The following CDC42SE2 variants were observed in gnomAD, a reference collection of about 807,000 sequenced individuals.
CDC42SE2 encodes CDC42 small effector 2.
In CDC42SE2, 3 loss-of-function variants were observed where a neutral mutation model predicts 11.5. That is an observed-to-expected ratio of 0.26 (90% CI 0.12 to 0.67). The LOEUF (loss-of-function observed/expected upper bound fraction) is 0.67. Ranked by LOEUF, CDC42SE2 falls within the 30% of genes least tolerant of loss-of-function variation. CDC42SE2 has a pLI of 0.80. For missense variants in CDC42SE2, 82 were observed against 106.8 expected, an observed-to-expected ratio of 0.77 and a Z score of 1.02; for synonymous variants, 33 against 34.8, an observed-to-expected ratio of 0.95 and a Z score of 0.18.
intron 3 of CDC42SE2, among the ~76,000 whole-genome samples, chr5:131,373,372 T>G (rs1750064955): frequency 6.6e-6 from 1 of 152,192 alleles, no homozygotes; most frequent in African/African-American, 2.4e-5. Flanking sequence ...CAGAGGGGGA[T>G]ACTGATAAGC....
At chr5:131,348,134 G>A (rs998133774) in intron 2 of CDC42SE2, among the ~76,000 whole-genome samples, 1 of 152,196 alleles carries the variant, frequency 6.6e-6, no homozygotes, top group Non-Finnish European at 1.5e-5. Flanking sequence ...AGTGTTGGAA[G>A]TTCTGGCAAG....
intron 1 of CDC42SE2, among the ~76,000 whole-genome samples, chr5:131,303,658 A>G (rs1470878052): frequency 6.6e-6 from 1 of 152,220 alleles, no homozygotes; most frequent in East Asian, 1.9e-4. Context: ...ACCTCTGATA[A>G]CAGATACCCT....
At chr5:131,334,070 T>TA (rs1288646783) in intron 2 of CDC42SE2, among the ~76,000 whole-genome samples, 1 of 152,122 alleles carries the variant, frequency 6.6e-6, no homozygotes, top group Non-Finnish European at 1.5e-5. Context: ...TTCCAGTTTT[T>TA]ATCCATTCAG....
chr5:131,376,408 C>G (rs1750158527), intron 3 of CDC42SE2, among the ~76,000 whole-genome samples: 1 of 152,086 alleles, frequency 6.6e-6, no homozygotes. Context: ...GAGTTCATGG[C>G]TTTAAAGTTC....
chr5:131,383,207 T>C (rs180798098), intron 3 of CDC42SE2, among the ~76,000 whole-genome samples: 2 of 152,294 alleles, frequency 1.3e-5, no homozygotes, highest in Non-Finnish European at 2.9e-5. Context: ...GCAGGGAGTC[T>C]TTGTATGAGG....
intron 2 of CDC42SE2, among the ~76,000 whole-genome samples, chr5:131,347,142 AAGATC>A (rs1758867490): frequency 6.6e-6 from 1 of 152,212 alleles, no homozygotes; most frequent in Non-Finnish European, 1.5e-5. Flanking sequence ...AGAAATAACT[AAGATC>A]AGAGCTGAAC....
At chr5:131,210,220 T>C in the CDC42SE2 span, among the ~76,000 whole-genome samples, 1 of 152,250 alleles carries the variant, frequency 6.6e-6, no homozygotes, top group Admixed American at 6.5e-5. Context: ...TATTCCCTTA[T>C]AGCAACACAA....
chr5:131,267,904 T>C (rs910239135), intron 1 of CDC42SE2, among the ~76,000 whole-genome samples: 7 of 152,148 alleles, frequency 4.6e-5, no homozygotes, highest in African/African-American at 1.7e-4. Flanking sequence ...ATCTGCTGTA[T>C]TGTTCTTATT....
the CDC42SE2 span, among the ~76,000 whole-genome samples, chr5:131,221,353 T>C: frequency 6.6e-6 from 1 of 152,126 alleles, no homozygotes; most frequent in Non-Finnish European, 1.5e-5. Context: ...ATTTTACGTG[T>C]GGCTCAAGAC....
At chr5:131,369,815 C>CT (rs1197794707) in intron 3 of CDC42SE2, among the ~76,000 whole-genome samples, 1 of 152,174 alleles carries the variant, frequency 6.6e-6, no homozygotes, top group Non-Finnish European at 1.5e-5. Context: ...CAGTGTAAGA[C>CT]TAATTATTTC....
chr5:131,388,917 T>G (rs966676559), intron 4 of CDC42SE2, among the ~76,000 whole-genome samples: 8 of 152,250 alleles, frequency 5.3e-5, no homozygotes, highest in Admixed American at 6.5e-5. Context: ...ACTGCAGCCT[T>G]GACCGCCTAG....
At chr5:131,337,741 G>T (rs780235332) in intron 2 of CDC42SE2, among the ~76,000 whole-genome samples, 1 of 152,218 alleles carries the variant, frequency 6.6e-6, no homozygotes, top group Non-Finnish European at 1.5e-5. Context: ...AATGAGCGAG[G>T]CTCCGTGAGG....
At chr5:131,276,728 ATT>A (rs71000985) in intron 1 of CDC42SE2, among the ~76,000 whole-genome samples, 184 of 126,764 alleles carry the variant, frequency 1.5e-3, no homozygotes, top group Non-Finnish European at 1.3e-3. Context: ...GACCATTAGA[ATT>A]TTTTTTTTTT....
At chr5:131,289,554 TC>T (rs1258084202) in intron 1 of CDC42SE2, among the ~76,000 whole-genome samples, 9 of 151,834 alleles carry the variant, frequency 5.9e-5, no homozygotes, top group Non-Finnish European at 1.3e-4. Flanking sequence ...GCGCCTGTAG[TC>T]CCAGCTACTC....
intron 2 of CDC42SE2, among the ~76,000 whole-genome samples, chr5:131,347,693 C>CA (rs1340081650): frequency 2.5e-4 from 38 of 151,884 alleles, no homozygotes; most frequent in Non-Finnish European, 3.4e-4. Context: ...AGAGACACAA[C>CA]AAAAAAAGAG....
At chr5:131,290,217 G>T (rs1217945402) in intron 1 of CDC42SE2, among the ~76,000 whole-genome samples, 1 of 152,082 alleles carries the variant, frequency 6.6e-6, no homozygotes, top group Admixed American at 6.6e-5. Context: ...ATCGTGCTTG[G>T]ATACGTCAAT....
chr5:131,353,910 T>TAA (rs1312419875), intron 2 of CDC42SE2, among the ~76,000 whole-genome samples: 1 of 140,550 alleles, frequency 7.1e-6, no homozygotes, highest in African/African-American at 2.6e-5. Context: ...AAACTCTGTC[T>TAA]AAAAAAAAAA....
In CDC42SE2 at chr5:131,368,266, A is replaced by C. The variant is rs565178179; in HGVS notation, c.54+8719A>C. 1.9e-3 allele frequency among the ~76,000 whole-genome samples: 284 copies of C among 151,846 alleles called. 1 individual carries two copies. Among genetic ancestry groups the C allele is most frequent in the African/African-American group, 6.6e-3 (273 of 41,412 alleles). ...AGACTCCATCTCAAAAAAAAAAAAA[A>C]AAAAAAAGAAGTCTTTCCCCTCCCC... On this transcript the variant is annotated intron_variant, in intron 3 of 4. Transcript: ENST00000505065.
rs528382747 is a variant in CDC42SE2 at position 131,275,317 on chromosome 5, G to T, written c.-455+11151G>T. Among the ~76,000 whole-genome samples, 7 of 145,196 alleles carry T rather than the reference G, an allele frequency of 4.8e-5. No homozygotes were observed. The South Asian group carries it at 1.5e-3, about 31-fold the overall frequency. On this transcript the variant is annotated intron_variant, in intron 1 of 4. Transcript: ENST00000505065. ...TGTAATCTTTTTTTTTTTTTTTTGA[G>T]ACTGAGTCTCGCTCTTTAGCCCAGG... is the stretch of plus-strand genomic sequence containing the variant.
Sources: gnomAD v4.1 joint callset for allele counts (sites outside exome capture counted in the v4.1 genomes callset) on GRCh38, gnomAD v4.1.1 for gene constraint, MANE v1.5 for transcripts, NCBI Gene and HGNC (gene_info 2026-07-23, HGNC 2026-07-21) for gene names.